The following SYT2 variants were observed in gnomAD, a reference collection of about 807,000 sequenced individuals.
The protein encoded by SYT2 is synaptotagmin-2.
A neutral mutation model predicts 39.9 loss-of-function variants in SYT2; 15 were observed. The ratio of observed to expected loss-of-function variants is 0.38; its 90% CI spans 0.25 to 0.58. SYT2 has a LOEUF of 0.58. SYT2 is among the 20% of genes least tolerant of loss of function. The pLI is 0.70. For synonymous variants in SYT2, 181 were observed against 204.5 expected (o/e 0.89, Z 0.98); for missense variants, 389 against 530.3 (o/e 0.73, Z 2.62).
At chr1:202,626,947 T>C (rs764694455) in intron 1 of SYT2, among the ~76,000 whole-genome samples, 1 of 152,196 alleles carries the variant, frequency 6.6e-6, no homozygotes, top group Non-Finnish European at 1.5e-5. Context: ...AAGTGGACCC[T>C]AAATACTCAT....
At chr1:202,652,230 G>C (rs1692207653) in intron 1 of SYT2, among the ~76,000 whole-genome samples, 3 of 152,240 alleles carry the variant, frequency 2.0e-5, no homozygotes, top group African/African-American at 7.2e-5. Flanking sequence ...TGCCTTGGGT[G>C]AGTGGCATCT....
At chr1:202,680,976 A>G (rs991127814) in intron 1 of SYT2, among the ~76,000 whole-genome samples, 2 of 152,126 alleles carry the variant, frequency 1.3e-5, no homozygotes, top group African/African-American at 4.8e-5. Context: ...CACTGCTTCT[A>G]CCTGAAGCCA....
In SYT2 at chr1:202,681,583, G is replaced by C. The variant is rs138542825; in HGVS notation, c.-18+28675C>G. Among the ~76,000 whole-genome samples, 393 of 152,316 alleles carry C rather than the reference G, an allele frequency of 2.6e-3. 1 individual carries two copies. The highest frequency in any genetic ancestry group is 8.8e-3 in the African/African-American group (364 of 41,574). ...ATGATCTTGAGCCCTGAGGGCAAAG[G>C]CATGAGCTTGGCCCAGATTCAAAAA... On this transcript the variant is annotated intron_variant, in intron 1 of 8. Transcript: ENST00000367268.
rs1238241028 is a variant in SYT2 at position 202,614,328 on chromosome 1, A to T, written c.-17-8539T>A. 6.6e-6 allele frequency among the ~76,000 whole-genome samples: 1 copy of T among 152,182 alleles called. No homozygotes were observed. Among genetic ancestry groups the T allele is most frequent in the African/African-American group, 2.4e-5 (1 of 41,436 alleles). ...AACCACTGAAGGGTGCTGAGCAGTT[A>T]TAAGTGGGGTTTGTGAAGTTAGCTC... On this transcript the variant is annotated intron_variant, in intron 1 of 8. Coordinates refer to ENST00000367268, the MANE Select transcript of SYT2 (RefSeq NM_177402.5). This position sits in a 1 kb window ranked among gnomAD's most constrained non-coding sequence, Gnocchi z 4.0.
chr1:202,647,209 T>A (rs16850183), intron 1 of SYT2, among the ~76,000 whole-genome samples: 7,083 of 152,234 alleles, frequency 0.047, 573 homozygotes, highest in African/African-American at 0.16. Flanking sequence ...AGATGGCAAC[T>A]CCTAAGTCCC....
Position 202,605,758 on chromosome 1 carries a change from G to A in SYT2, c.15C>T (p.Phe5=), listed in dbSNP as rs776270029. ...CCACAATAGGCTCCTGGTTCCTCTT[G>A]AAAATGTTCCTCATGGTGGCAGAGG... The part of the protein sequence containing the change: MRNI[F]KRNQEPIVAP... Residue 5 remains phenylalanine (F), a synonymous_variant, in exon 2 of 9, where the codon TTC becomes TTT. Transcript: ENST00000367268. 1 of 1,614,118 alleles carries A rather than the reference G, an allele frequency of 6.2e-7. No homozygotes were observed. The highest frequency in any genetic ancestry group is 8.5e-7 in the Non-Finnish European group (1 of 1,179,990).
chr1:202,620,110 G>A (rs1691163938), intron 1 of SYT2, among the ~76,000 whole-genome samples: 2 of 152,224 alleles, frequency 1.3e-5, no homozygotes, highest in Non-Finnish European at 2.9e-5. Context: ...TGGAGAAGCA[G>A]GGGTAGACCA....
In SYT2 at chr1:202,639,824, G is replaced by T; in HGVS notation, c.-17-34035C>A. 3.0e-6 allele frequency: 3 copies of T among 985,240 alleles called. 1 individual carries two copies. Among genetic ancestry groups the T allele is most frequent in the Non-Finnish European group, 2.4e-6 (2 of 829,888 alleles). The allele number at this position is 985,240 out of a possible 1,614,324, so 61.0% of individuals were successfully genotyped here. On this transcript the variant is annotated intron_variant, in intron 1 of 8. Transcript: ENST00000367268. ...GCGCAGCAAGAGGAGGACACAGGAC[G>T]TTGGGGCATTTTGGGGGATCGTGTG...
At chr1:202,703,468 A>C (rs1654173129) in intron 1 of SYT2, among the ~76,000 whole-genome samples, 1 of 152,162 alleles carries the variant, frequency 6.6e-6, no homozygotes. Flanking sequence ...TCTCACATGC[A>C]CACTACTGCA....
chr1:202,625,065 T>C, intron 1 of SYT2, among the ~76,000 whole-genome samples: 1 of 151,984 alleles, frequency 6.6e-6, no homozygotes, highest in Non-Finnish European at 1.5e-5. Flanking sequence ...GTGTGTGGTG[T>C]GTAGTAGGGT....
intron 1 of SYT2, chr1:202,627,606 C>T: frequency 1.0e-6 from 1 of 985,378 alleles, no homozygotes; most frequent in Non-Finnish European, 1.2e-6. Flanking sequence ...AGCTCAGGTT[C>T]TCTGGAGAGT....
At position 202,637,432 on chromosome 1, in the gene SYT2, C is replaced by T. The variant is rs370703195; in HGVS notation, c.-17-31643G>A. ...ACACGAGTCGGCTCAGGACAAAGTA[C>T]GCATGCAAGAAGTCCACATAAGTCC... On this transcript the variant is annotated intron_variant, in intron 1 of 8. Coordinates refer to ENST00000367268, the MANE Select transcript of SYT2 (RefSeq NM_177402.5). Among the ~76,000 whole-genome samples the T allele has an allele frequency of 3.9e-5, 6 of 152,342 alleles. No homozygotes were observed. The East Asian group carries it at 7.7e-4, about 20-fold the overall frequency.
At chr1:202,648,217 C>T (rs570948760) in intron 1 of SYT2, among the ~76,000 whole-genome samples, 19 of 152,310 alleles carry the variant, frequency 1.2e-4, no homozygotes, top group East Asian at 3.9e-4. Flanking sequence ...GGCAGAGTCT[C>T]GCTCTGTTGC....
rs1372222191 is a variant in SYT2, at chr1:202,689,905, C to G, written c.-18+20353G>C. Among the ~76,000 whole-genome samples, 3 of 151,854 alleles carry G rather than the reference C, an allele frequency of 2.0e-5. No homozygotes were observed. In the East Asian group the frequency reaches 5.8e-4, roughly 29 times the overall value. ...CCCCCGGAAGTGCCCCCCTATCACC[C>G]CACAGCTCTGAGTCAGGGAAATCCA... On this transcript the variant is annotated intron_variant, in intron 1 of 8. Coordinates refer to ENST00000367268, the MANE Select transcript of SYT2 (RefSeq NM_177402.5).
chr1:202,636,168 C>T (rs1377422903), intron 1 of SYT2, among the ~76,000 whole-genome samples: 6 of 152,146 alleles, frequency 3.9e-5, no homozygotes, highest in Non-Finnish European at 8.8e-5. Context: ...AGAAACACTC[C>T]TTCTCTCTTG....
chr1:202,630,262 A>C (rs1691543553), intron 1 of SYT2: 1 of 476,818 alleles, frequency 2.1e-6, no homozygotes, highest in South Asian at 8.9e-5. Flanking sequence ...TGCAGAGCAG[A>C]AAGAGCTGGG....
intron 1 of SYT2, among the ~76,000 whole-genome samples, chr1:202,683,997 TTAAC>T (rs1399936893): frequency 6.6e-6 from 1 of 152,042 alleles, no homozygotes; most frequent in African/African-American, 2.4e-5. Context: ...ACATATCATA[TTAAC>T]TATTTATGTT....
chr1:202,691,743 G>C (rs1326577985), intron 1 of SYT2, among the ~76,000 whole-genome samples: 2 of 87,034 alleles, frequency 2.3e-5, no homozygotes, highest in African/African-American at 9.2e-5. Flanking sequence ...GAGAGAGAGA[G>C]AGAGAGAGAG....
chr1:202,696,020 G>GT (rs1193120566), intron 1 of SYT2, among the ~76,000 whole-genome samples: 1 of 152,204 alleles, frequency 6.6e-6, no homozygotes, highest in Non-Finnish European at 1.5e-5. Context: ...TCAGTCTCCA[G>GT]TGGAAAAACT....
Sources: allele counts gnomAD v4.1 joint callset (sites outside exome capture counted in the v4.1 genomes callset), GRCh38; gene constraint gnomAD v4.1.1; non-coding constraint Gnocchi (gnomAD v3.1); transcripts MANE v1.5; gene names NCBI Gene and HGNC (gene_info 2026-07-23, HGNC 2026-07-21).